Variants in PCDHGB2 observed in about 807,000 individuals in gnomAD.
PCDHGB2 encodes the protein protocadherin gamma subfamily B, 2, also known as protocadherin gamma-B2.
PCDHGB2 carries 55 observed loss-of-function variants against 59.3 expected under a neutral mutation model. The ratio of observed to expected loss-of-function variants is 0.93; its 90% CI spans 0.75 to 1.16. PCDHGB2 has a LOEUF of 1.16. PCDHGB2 is among the 50% of genes most tolerant of loss of function. The pLI is 0.00. For missense variants in PCDHGB2, 1,228 were observed against 1,198.5 expected, an observed-to-expected ratio of 1.02 and a Z score of -0.36; for synonymous variants, 516 against 512.0, an observed-to-expected ratio of 1.01 and a Z score of -0.11.
chr5:141,504,824 C>T (rs537283013), intron 2 of PCDHGB2, among the ~76,000 whole-genome samples: 4 of 152,230 alleles, frequency 2.6e-5, no homozygotes, highest in South Asian at 4.1e-4. Context: ...TAGGTCCCCA[C>T]TTTTTCTCTA....
chr5:141,490,618 A>G lies in PCDHGB2; in HGVS notation c.2422-4189A>G, dbSNP rs1463273520. On this transcript the variant is annotated intron_variant, in intron 1 of 3. Transcript: ENST00000522605. The surrounding 1 kb of genome is among the most constrained non-coding windows in gnomAD (Gnocchi z 5.4). ...ACCCCGCTTCAACCAGCAGCTTTAC[A>G]CTGCTTACATCCTAGAAAACCGGCC... 4.3e-6 allele frequency: 7 copies of G among 1,613,986 alleles called. No homozygotes were observed. Among genetic ancestry groups the G allele is most frequent in the Admixed American group, 1.7e-5 (1 of 59,996 alleles).
Position 141,487,650 on chromosome 5 carries a change from G to A in PCDHGB2, c.2422-7157G>A. On this transcript the variant is annotated intron_variant, in intron 1 of 3. Transcript: ENST00000522605. The surrounding 1 kb of genome is among the most constrained non-coding windows in gnomAD (Gnocchi z 5.0). ...TTGCAGGCTCAACAAATGCTTGAGGGTTATTCTGATCCAGGCATATGGCTA... is the reference window on the plus strand; with the variant it reads ...TTGCAGGCTCAACAAATGCTTGAGGATTATTCTGATCCAGGCATATGGCTA... 1 of 1,613,994 alleles carries A rather than the reference G, an allele frequency of 6.2e-7. No individual in the cohort carries two copies. Among genetic ancestry groups the A allele is most frequent in the Non-Finnish European group, 8.5e-7 (1 of 1,179,954 alleles).
At chr5:141,380,092 G>A (rs1776209529) in intron 1 of PCDHGB2, among the ~76,000 whole-genome samples, 1 of 151,708 alleles carries the variant, frequency 6.6e-6, no homozygotes, top group African/African-American at 2.4e-5. Context: ...TAGAGATGGG[G>A]TTTTACCATG....
chr5:141,471,204 C>T (rs1349368582), intron 1 of PCDHGB2: 2 of 151,866 alleles, frequency 1.3e-5, no homozygotes, highest in African/African-American at 4.8e-5. Flanking sequence ...CACCCACCCC[C>T]ATGCCTGGCA....
intron 1 of PCDHGB2, among the ~76,000 whole-genome samples, chr5:141,450,088 C>T (rs1358812478): frequency 1.3e-5 from 2 of 148,484 alleles, no homozygotes; most frequent in East Asian, 2.0e-4. Context: ...CTCACTGCAA[C>T]CTCCGCCTCC....
At chr5:141,388,351 C>T (rs1245529264) in intron 1 of PCDHGB2, 1 of 1,613,898 alleles carries the variant, frequency 6.2e-7, no homozygotes, top group African/African-American at 1.3e-5. Context: ...ATATTAGGAT[C>T]TGCCCATGAT....
Position 141,394,174 on chromosome 5 carries a change from A to G in PCDHGB2, c.2421+31618A>G, listed in dbSNP as rs774402638. On this transcript the variant is annotated intron_variant, in intron 1 of 3. Coordinates refer to ENST00000522605, the MANE Select transcript of PCDHGB2 (RefSeq NM_018923.3). ...AACGACAACCCTCCTACTTTCCCTC[A>G]TGCCTCCTACTCAGCGTATATCCTA... 3 of 1,613,706 alleles carry G rather than the reference A, an allele frequency of 1.9e-6. No individual in the cohort carries two copies. In the East Asian group the frequency reaches 6.7e-5, roughly 36 times the overall value.
chr5:141,470,358 A>G (rs1263824284), intron 1 of PCDHGB2, among the ~76,000 whole-genome samples: 2 of 152,174 alleles, frequency 1.3e-5, no homozygotes, highest in African/African-American at 4.8e-5. Context: ...AAATAGACAC[A>G]TTAGGTTGAA....
At chr5:141,465,094 GT>G (rs138941665) in intron 1 of PCDHGB2, among the ~76,000 whole-genome samples, 203 of 148,178 alleles carry the variant, frequency 1.4e-3, no homozygotes, top group Admixed American at 7.3e-3. Context: ...TTTTCTAGTA[GT>G]TTTTTTTTTA....
At chr5:141,492,548 C>A (rs1028674110) in intron 1 of PCDHGB2, among the ~76,000 whole-genome samples, 1 of 152,218 alleles carries the variant, frequency 6.6e-6, no homozygotes, top group Non-Finnish European at 1.5e-5. Flanking sequence ...TGGGCCGGGT[C>A]GCCTGGGGGG....
chr5:141,398,905 A>G lies in PCDHGB2; in HGVS notation c.2421+36349A>G, dbSNP rs200564636. ...TCGGGAAAACGTGCCACCAGGCACC[A>G]CTGTGTTGCAAGTGTCAGCCACTGA... On this transcript the variant is annotated intron_variant, in intron 1 of 3. Coordinates refer to ENST00000522605, the MANE Select transcript of PCDHGB2 (RefSeq NM_018923.3). 1.2e-3 allele frequency: 1,935 copies of G among 1,613,984 alleles called. 4 individuals carry two copies. Among genetic ancestry groups the G allele is most frequent in the Middle Eastern group, 3.5e-3 (21 of 6,062 alleles).
At chr5:141,429,571 A>G (rs1221285032) in intron 1 of PCDHGB2, among the ~76,000 whole-genome samples, 2 of 152,156 alleles carry the variant, frequency 1.3e-5, no homozygotes, top group Non-Finnish European at 2.9e-5. Flanking sequence ...ATTCAGTTAC[A>G]TTTACTTTTG....
chr5:141,445,048 A>G (rs1364884310), intron 1 of PCDHGB2, among the ~76,000 whole-genome samples: 4 of 152,234 alleles, frequency 2.6e-5, no homozygotes, highest in Non-Finnish European at 5.9e-5. Flanking sequence ...TTTTCAGTGT[A>G]GAGAGGTCAT....
chr5:141,383,073 G>A, intron 1 of PCDHGB2: 1 of 1,613,920 alleles, frequency 6.2e-7, no homozygotes. Context: ...AGCCCCGGGA[G>A]CTGGCGGAGC....
At chr5:141,415,801 A>G (rs560476453) in intron 1 of PCDHGB2, 12 of 1,373,384 alleles carry the variant, frequency 8.7e-6, no homozygotes, top group East Asian at 5.3e-5. Flanking sequence ...CCTAGTCTCA[A>G]TCAAGGCCTA....
In PCDHGB2 at chr5:141,431,129, A is replaced by G. The variant is rs771219303; in HGVS notation, c.2422-63678A>G. The G allele has an allele frequency of 7.4e-6, 12 of 1,614,152 alleles. No homozygotes were observed. The Admixed American group carries it at 1.7e-4, about 22-fold the overall frequency. Reference sequence around the variant, plus strand: ...AATATATGGAGTAGAAGTAGAAGTAAGGGACATTAACGACAATGCGCCTTA... The same window carrying G: ...AATATATGGAGTAGAAGTAGAAGTAGGGGACATTAACGACAATGCGCCTTA... On this transcript the variant is annotated intron_variant, in intron 1 of 3. Coordinates refer to ENST00000522605, the MANE Select transcript of PCDHGB2 (RefSeq NM_018923.3). The surrounding 1 kb of genome is among the most constrained non-coding windows in gnomAD (Gnocchi z 4.8).
At chr5:141,404,635 A>C (rs2094549114) in intron 1 of PCDHGB2, 1 of 1,614,130 alleles carries the variant, frequency 6.2e-7, no homozygotes, top group Non-Finnish European at 8.5e-7. Context: ...ATGCCCCAGA[A>C]ATCCTGTACC....
At chr5:141,475,500 T>C (rs1393586791) in intron 1 of PCDHGB2, among the ~76,000 whole-genome samples, 1 of 152,248 alleles carries the variant, frequency 6.6e-6, no homozygotes, top group East Asian at 1.9e-4. Flanking sequence ...ACTGAAATTA[T>C]TAATGTCTCC....
At chr5:141,436,707 T>C (rs985035872) in intron 1 of PCDHGB2, among the ~76,000 whole-genome samples, 18 of 152,208 alleles carry the variant, frequency 1.2e-4, no homozygotes, top group African/African-American at 4.3e-4. Context: ...GCACACTCGA[T>C]GTTCTGTTGG....
Sources: gnomAD v4.1 joint callset for allele counts (sites outside exome capture counted in the v4.1 genomes callset) on GRCh38, gnomAD v4.1.1 for gene constraint, Gnocchi (gnomAD v3.1) non-coding constraint, MANE v1.5 for transcripts, NCBI Gene and HGNC (gene_info 2026-07-23, HGNC 2026-07-21) for gene names.